The following HELZ2 variants were observed in gnomAD, a reference collection of about 807,000 sequenced individuals.
HELZ2 encodes the protein helicase with zinc finger 2.
Under a neutral mutation model 208.8 loss-of-function variants are expected in HELZ2, and 143 were observed. That is an observed-to-expected ratio of 0.68 (90% CI 0.60 to 0.79). The LOEUF (loss-of-function observed/expected upper bound fraction) is 0.79, where lower values mean the gene tolerates loss of function less well. Among genes scored for constraint, HELZ2 ranks in the 30% least tolerant of loss-of-function variants. HELZ2 has a pLI of 0.00. For synonymous variants in HELZ2, 1,705 were observed against 1,693.7 expected, an observed-to-expected ratio of 1.01 and a Z score of -0.16; for missense variants, 3,690 against 3,794.5, an observed-to-expected ratio of 0.97 and a Z score of 0.72.
intron 5 of HELZ2, chr20:63,567,995 G>A: frequency 1.9e-6 from 1 of 538,576 alleles, no homozygotes; most frequent in Non-Finnish European, 3.3e-6. Context: ...GGTGGTGGCA[G>A]GAACCAGAGG....
At chr20:63,559,269 T>C in exon 19 of HELZ2, 16 of 1,579,008 alleles carry the variant, frequency 1.0e-5, no homozygotes, top group Non-Finnish European at 1.4e-5. Flanking sequence ...GTTGGCCTCC[T>C]GCAGACGCGC....
chr20:63,569,817 C>T, intron 3 of HELZ2, 152 bp from the exon 5 acceptor site: 1 of 919,534 alleles, frequency 1.1e-6, no homozygotes, highest in East Asian at 2.7e-5. Flanking sequence ...CCTCTGCCAT[C>T]CTCAGTTTCT....
At position 63,564,783 on chromosome 20, in the gene HELZ2, G is replaced by A. The variant is rs571143331; in HGVS notation, c.4039C>T (p.Pro1347Ser). The change falls in exon 8 of 19, where the codon CCC (proline) becomes TCC (serine). Residue 1347 changes from proline (P) to serine (S), a missense_variant. Pro to Ser is a moderately conservative substitution (Grantham distance 74, BLOSUM62 -1). This residue lies in a region of HELZ2 where 2,564 missense variants were observed against 2,580.5 expected (regional missense o/e 0.99). Transcript: ENST00000467148. Reference sequence around the variant, plus strand: ...TCATCGAGGTTGCAGGCGCCCTGGGGGTCCACAGTGAAGGTCAAGAAGGCG... The same window carrying A: ...TCATCGAGGTTGCAGGCGCCCTGGGAGTCCACAGTGAAGGTCAAGAAGGCG... The A allele has an allele frequency of 4.3e-6, 7 of 1,611,930 alleles. No homozygotes were observed. The South Asian group carries it at 7.7e-5, about 18-fold the overall frequency.
chr20:63,558,964 G>A (rs770048622), downstream of HELZ2: 6 of 327,162 alleles, frequency 1.8e-5, no homozygotes, highest in Non-Finnish European at 2.8e-5. Context: ...CTGGTTCTGA[G>A]ACTTCCCAGG....
exon 8 of HELZ2, chr20:63,564,511 A>G (rs766932109): frequency 4.4e-6 from 7 of 1,585,798 alleles, no homozygotes; most frequent in Middle Eastern, 1.7e-4. Flanking sequence ...TCAGCTGGCC[A>G]CTGGCCTTCT....
exon 4 of HELZ2, chr20:63,569,400 G>A: frequency 6.2e-7 from 1 of 1,607,790 alleles, no homozygotes; most frequent in Non-Finnish European, 8.5e-7. Flanking sequence ...ATTCCTGCAG[G>A]GTCCTGGGCG....
At chr20:63,561,049 T>C (rs995397590) in intron 14 of HELZ2, 33 bp downstream of exon 15, 3 of 1,600,468 alleles carry the variant, frequency 1.9e-6, no homozygotes, top group East Asian at 2.2e-5. Context: ...CAGGGACGCC[T>C]GCTCATGCTG....
At chr20:63,565,161 C>T in exon 8 of HELZ2, 2 of 1,598,792 alleles carry the variant, frequency 1.3e-6, no homozygotes, top group Non-Finnish European at 1.7e-6. Flanking sequence ...GTCACGGAGC[C>T]ATTGATGGGG....
chr20:63,569,243 G>A (rs1184687569), exon 4 of HELZ2: 6 of 1,568,296 alleles, frequency 3.8e-6, no homozygotes, highest in South Asian at 1.2e-5. Context: ...CCGAGGCCAC[G>A]CTGCTGCGGT....
At chr20:63,560,543 A>C (rs1278021885) in exon 16 of HELZ2, 1 of 1,612,910 alleles carries the variant, frequency 6.2e-7, no homozygotes, top group Admixed American at 1.7e-5. Context: ...GGACACCAGC[A>C]GGCTCCGCTC....
intron 3 of HELZ2, among the ~76,000 whole-genome samples, chr20:63,569,891 G>T (rs1259422210): frequency 6.6e-6 from 1 of 152,224 alleles, no homozygotes; most frequent in African/African-American, 2.4e-5. Flanking sequence ...GTGGGGCAGT[G>T]TGGGCAGCTT....
intron 18 of HELZ2, 64 bp from the exon 20 acceptor site, chr20:63,559,434 G>T: frequency 6.9e-7 from 1 of 1,443,824 alleles, no homozygotes; most frequent in Admixed American, 2.3e-5. Flanking sequence ...GGGTCAGGTG[G>T]GAGGAGTCAG....
exon 6 of HELZ2, chr20:63,567,146 C>T (rs748738421): frequency 1.9e-6 from 3 of 1,610,574 alleles, no homozygotes; most frequent in Non-Finnish European, 2.5e-6. Flanking sequence ...TCGTGGAAGA[C>T]CAGGCGGCTC....
exon 4 of HELZ2, chr20:63,569,383 G>A: frequency 6.2e-7 from 1 of 1,609,044 alleles, no homozygotes; most frequent in Non-Finnish European, 8.5e-7. Context: ...GGGTGGCCGA[G>A]CGCCAGATTC....
At chr20:63,572,462 T>G, upstream of HELZ2, 306 of 1,312,350 alleles carry the variant, frequency 2.3e-4, no homozygotes, top group Non-Finnish European at 2.9e-4. Flanking sequence ...AAACCTGCAG[T>G]AGGCAGGAGG....
exon 8 of HELZ2, chr20:63,565,840 G>A: frequency 6.3e-7 from 1 of 1,598,882 alleles, no homozygotes; most frequent in African/African-American, 1.3e-5. Flanking sequence ...CCTTCACCAT[G>A]GCCGTCACCA....
chr20:63,569,117 A>AG, intron 4 of HELZ2, 31 bp downstream of exon 5: 2 of 1,576,878 alleles, frequency 1.3e-6, no homozygotes, highest in South Asian at 2.3e-5. Context: ...TGCTCCTGCT[A>AG]CCCCAGCTGC....
exon 18 of HELZ2, chr20:63,560,072 C>T (rs770127229): frequency 1.9e-6 from 3 of 1,606,622 alleles, no homozygotes; most frequent in Non-Finnish European, 2.5e-6. Context: ...ACGGTGCTCA[C>T]CAGCACATAG....
exon 6 of HELZ2, chr20:63,567,291 G>T (rs1425968001): frequency 1.2e-6 from 2 of 1,610,166 alleles, no homozygotes. Flanking sequence ...CCAGCACGAG[G>T]CGGGTGCCGT....
Sources: gnomAD v4.1 joint callset for allele counts (sites outside exome capture counted in the v4.1 genomes callset) on GRCh38, gnomAD v4.1.1 for gene constraint, gnomAD v4.1.1 regional missense constraint, MANE v1.5 for transcripts, NCBI Gene and HGNC (gene_info 2026-07-23, HGNC 2026-07-21) for gene names.